Variants in GRIP1 observed in about 807,000 individuals in gnomAD.
The protein encoded by GRIP1 is glutamate receptor-interacting protein 1.
Under a neutral mutation model 129.9 loss-of-function variants are expected in GRIP1, and 45 were observed. The observed-to-expected ratio is 0.35, with a 90% CI of 0.27 to 0.44. The LOEUF (loss-of-function observed/expected upper bound fraction) is 0.44. Among genes scored for constraint, GRIP1 ranks in the 20% least tolerant of loss-of-function variants. The pLI is 1.00. For missense variants in GRIP1, 1,196 were observed against 1,396.8 expected (o/e 0.86, Z 2.29); for synonymous variants, 530 against 520.8 (o/e 1.02, Z -0.24).
intron 1 of GRIP1, among the ~76,000 whole-genome samples, chr12:66,702,545 T>C (rs573594467): frequency 2.7e-4 from 41 of 152,184 alleles, no homozygotes; most frequent in East Asian, 2.5e-3. Context: ...CCAAAGAAAA[T>C]TACATTTCAG....
intron 1 of GRIP1, among the ~76,000 whole-genome samples, chr12:66,965,051 C>T (rs931355447): frequency 3.9e-5 from 6 of 152,056 alleles, no homozygotes; most frequent in Admixed American, 2.0e-4. Flanking sequence ...CAAATACAGT[C>T]ACATTCTGAG....
chr12:66,538,973 A>G, intron 4 of GRIP1, 105 bp downstream of exon 4: 1 of 956,034 alleles, frequency 1.0e-6, no homozygotes, highest in Non-Finnish European at 1.7e-6. Flanking sequence ...GTATGTATAG[A>G]AAAAAACCTG....
chr12:66,704,499 C>T (rs934436686), intron 1 of GRIP1, among the ~76,000 whole-genome samples: 1 of 151,820 alleles, frequency 6.6e-6, no homozygotes, highest in Admixed American at 6.6e-5. Context: ...AAAGAATCAA[C>T]ACAAATAACA....
At chr12:66,431,194 C>T (rs749662643) in intron 14 of GRIP1, among the ~76,000 whole-genome samples, 1 of 152,180 alleles carries the variant, frequency 6.6e-6, no homozygotes, top group Non-Finnish European at 1.5e-5. Context: ...TAGTTGTTGA[C>T]ACTATAGTGA....
At chr12:66,434,253 C>CTA (rs1372081640) in intron 13 of GRIP1, among the ~76,000 whole-genome samples, 2 of 152,128 alleles carry the variant, frequency 1.3e-5, no homozygotes, top group Non-Finnish European at 2.9e-5. Context: ...ATCAGTGGTG[C>CTA]TATGGGGTCT....
rs534019008 is a variant in GRIP1 at position 67,012,132 on chromosome 12, C to T, written c.58+56918G>A. Among the ~76,000 whole-genome samples the T allele has an allele frequency of 1.1e-4, 16 of 152,246 alleles. No individual in the cohort carries two copies. In the South Asian group the frequency reaches 2.5e-3, roughly 24 times the overall value. On this transcript the variant is annotated intron_variant, in intron 1 of 1. Transcript: ENST00000643019. ...ATGGATAAAATCTGAAAGACTATCA[C>T]AGTGAAATTTGTTCCATATATCTCT...
At chr12:66,939,338 C>G (rs775603783) in intron 1 of GRIP1, among the ~76,000 whole-genome samples, 1 of 146,018 alleles carries the variant, frequency 6.8e-6, no homozygotes, top group African/African-American at 2.4e-5. Context: ...CAGAGCAAGA[C>G]CCTGTCTCAA....
intron 1 of GRIP1, among the ~76,000 whole-genome samples, chr12:66,607,337 C>A (rs1209508449): frequency 6.6e-6 from 1 of 152,164 alleles, no homozygotes; most frequent in Non-Finnish European, 1.5e-5. Context: ...AAGATGAAAT[C>A]TGGCTGAATT....
intron 3 of GRIP1, among the ~76,000 whole-genome samples, chr12:66,540,691 T>C (rs1434106793): frequency 6.6e-6 from 1 of 152,246 alleles, no homozygotes; most frequent in Non-Finnish European, 1.5e-5. Flanking sequence ...TGACATTTTA[T>C]GGGGCAAGAA....
chr12:66,532,157 T>C (rs1245339556), intron 4 of GRIP1, among the ~76,000 whole-genome samples: 3 of 152,242 alleles, frequency 2.0e-5, no homozygotes, highest in Non-Finnish European at 2.9e-5. Flanking sequence ...AATTTGAATG[T>C]TGACTGCGTT....
At chr12:67,000,040 A>AGTGACAGATCATCT (rs1455566071) in intron 1 of GRIP1, among the ~76,000 whole-genome samples, 4 of 152,202 alleles carry the variant, frequency 2.6e-5, no homozygotes, top group Non-Finnish European at 5.9e-5. Context: ...CAGCTCACAG[A>AGTGACAGATCATCT]GTGACAGATC....
At chr12:66,758,062 AC>A (rs1361596718) in intron 1 of GRIP1, among the ~76,000 whole-genome samples, 2 of 152,356 alleles carry the variant, frequency 1.3e-5, no homozygotes, top group Admixed American at 6.5e-5. Context: ...TGTGAAAAAA[AC>A]AACATATATT....
intron 1 of GRIP1, among the ~76,000 whole-genome samples, chr12:66,711,220 AC>A (rs1248647189): frequency 2.6e-5 from 4 of 151,918 alleles, no homozygotes; most frequent in Non-Finnish European, 5.9e-5. Flanking sequence ...AAATAATGAG[AC>A]TATGGGATTT....
intron 1 of GRIP1, among the ~76,000 whole-genome samples, chr12:66,809,353 A>G (rs1042332795): frequency 1.3e-5 from 2 of 152,322 alleles, no homozygotes; most frequent in Admixed American, 1.3e-4. Flanking sequence ...TTTTTGAGTA[A>G]CAGTATGAAA....
Position 66,348,994 on chromosome 12 carries a change from TTGTCC to T in GRIP1, c.*20_*24del. ...TTTAGCACCATGTAGATATTGTCTT[TTGTCC>T]TGCTTTATAAAAAGCGTTGCTATAA... is the stretch of plus-strand genomic sequence containing the variant. On this transcript the variant is annotated 3_prime_UTR_variant, in exon 25 of 25. Transcript: ENST00000359742. 2.7e-6 allele frequency: 4 copies of T among 1,470,670 alleles called. 1 individual carries two copies. The highest frequency in any genetic ancestry group is 9.5e-7 in the Non-Finnish European group (1 of 1,048,648). The allele number at this position is 1,470,670 out of a possible 1,614,324, so 91.1% of individuals were successfully genotyped here.
chr12:66,878,431 C>T (rs2040418577), intron 1 of GRIP1, among the ~76,000 whole-genome samples: 3 of 151,746 alleles, frequency 2.0e-5, no homozygotes, highest in Non-Finnish European at 2.9e-5. Context: ...GGAGGTACTC[C>T]AGGAAGAAGA....
At chr12:66,472,663 G>A (rs2059472497) in intron 7 of GRIP1, among the ~76,000 whole-genome samples, 1 of 152,178 alleles carries the variant, frequency 6.6e-6, no homozygotes, top group African/African-American at 2.4e-5. Flanking sequence ...AGTGGGTGCA[G>A]CCCATGAAGG....
chr12:66,943,170 G>T (rs1219953955), intron 1 of GRIP1, among the ~76,000 whole-genome samples: 2 of 152,136 alleles, frequency 1.3e-5, no homozygotes, highest in East Asian at 1.9e-4. Flanking sequence ...ATCTTCTAAT[G>T]AACTAATCTT....
At chr12:66,767,855 G>A (rs939650439) in intron 1 of GRIP1, among the ~76,000 whole-genome samples, 4 of 152,112 alleles carry the variant, frequency 2.6e-5, no homozygotes, top group African/African-American at 7.2e-5. Flanking sequence ...TAATAGCCTC[G>A]AGTTCTTCCC....
Sources: allele counts gnomAD v4.1 joint callset (sites outside exome capture counted in the v4.1 genomes callset), GRCh38; gene constraint gnomAD v4.1.1; transcripts MANE v1.5; gene names NCBI Gene and HGNC (gene_info 2026-07-23, HGNC 2026-07-21).